DNAH12: variants seen among roughly 807,000 people sequenced by gnomAD.
DNAH12 encodes the protein axonemal beta dynein heavy chain 12.
A neutral mutation model predicts 371.5 loss-of-function variants in DNAH12; 285 were observed. That is an observed-to-expected ratio of 0.77 (90% CI 0.70 to 0.85). The LOEUF is 0.85. DNAH12 is among the 40% of genes least tolerant of loss of function. The pLI, the probability that DNAH12 is intolerant of heterozygous loss-of-function variation, is 0.00. For synonymous variants in DNAH12, 1,200 were observed against 1,213.0 expected, an observed-to-expected ratio of 0.99 and a Z score of 0.22; for missense variants, 3,611 against 3,689.4, an observed-to-expected ratio of 0.98 and a Z score of 0.55.
chr3:57,395,942 G>A (rs1172208967), intron 43 of DNAH12, among the ~76,000 whole-genome samples: 2 of 151,374 alleles, frequency 1.3e-5, no homozygotes, highest in African/African-American at 4.9e-5. Flanking sequence ...GGGTGACAGA[G>A]TGAGACATCT....
intron 2 of DNAH12, chr3:57,530,655 C>A: frequency 2.1e-6 from 1 of 480,872 alleles, no homozygotes; most frequent in Non-Finnish European, 3.8e-6. Flanking sequence ...GTAGAGTGTG[C>A]TGTCACTGAG....
chr3:57,385,446 T>C lies in DNAH12; in HGVS notation c.7603-17A>G, dbSNP rs1388814010. On this transcript the variant is annotated splice_polypyrimidine_tract_variant and intron_variant, in intron 47 of 73. Transcript: ENST00000495027. ...TTCACCAACCTAAAGAGACAGTTTATAATATGATTAAGTTTCCATTGCTAT... is the reference window on the plus strand; with the variant it reads ...TTCACCAACCTAAAGAGACAGTTTACAATATGATTAAGTTTCCATTGCTAT... 1.3e-5 allele frequency: 2 copies of C among 152,240 alleles called. No individual in the cohort carries two copies. Among genetic ancestry groups the C allele is most frequent in the African/African-American group, 2.4e-5 (1 of 41,476 alleles). 9.4% of individuals were successfully genotyped at this position (152,240 alleles called of 1,614,324 possible).
intron 30 of DNAH12, 43 bp from the exon 31 acceptor site, chr3:57,433,871 G>C: frequency 7.1e-7 from 1 of 1,417,618 alleles, no homozygotes; most frequent in Non-Finnish European, 9.2e-7. Flanking sequence ...AGTCTTTAAA[G>C]AGTTAAATAA....
intron 60 of DNAH12, among the ~76,000 whole-genome samples, chr3:57,338,745 ATT>A (rs1336257561): frequency 1.6e-5 from 2 of 126,428 alleles, no homozygotes; most frequent in Non-Finnish European, 3.4e-5. Context: ...CCGGCCACCC[ATT>A]GTCTGGGATG....
intron 18 of DNAH12, 148 bp downstream of exon 18, chr3:57,462,542 G>T: frequency 1.1e-6 from 1 of 890,942 alleles, no homozygotes; most frequent in Non-Finnish European, 1.6e-6. Context: ...GTGAGCTACC[G>T]CACCCAGCCG....
intron 29 of DNAH12, among the ~76,000 whole-genome samples, chr3:57,437,982 T>C (rs568880725): frequency 6.6e-5 from 10 of 152,256 alleles, no homozygotes; most frequent in Middle Eastern, 3.4e-3. Flanking sequence ...CTACCTGAAA[T>C]AGGGAAAAAT....
intron 25 of DNAH12, among the ~76,000 whole-genome samples, chr3:57,450,249 T>TAAAAAAAAA (rs1559675073): frequency 3.1e-4 from 5 of 15,982 alleles, no homozygotes; most frequent in African/African-American, 2.5e-4. Flanking sequence ...CTGTCTCAAT[T>TAAAAAAAAA]TAAAAAAAAA....
intron 60 of DNAH12, among the ~76,000 whole-genome samples, chr3:57,347,064 A>C (rs1559575639): frequency 6.6e-6 from 1 of 152,192 alleles, no homozygotes; most frequent in Non-Finnish European, 1.5e-5. Flanking sequence ...TATAGGAAGA[A>C]ATTAAACCAA....
intron 44 of DNAH12, among the ~76,000 whole-genome samples, chr3:57,392,667 TA>T (rs2063650038): frequency 2.6e-5 from 4 of 151,574 alleles, no homozygotes; most frequent in Admixed American, 2.6e-4. Context: ...CAGGATAAAA[TA>T]ACTAAAAAAA....
intron 40 of DNAH12, among the ~76,000 whole-genome samples, chr3:57,407,301 G>A (rs754493977): frequency 2.7e-4 from 38 of 143,250 alleles, no homozygotes; most frequent in Admixed American, 2.5e-3. Flanking sequence ...AAAAAAAGCC[G>A]GGGGTAGGGA....
At chr3:57,351,870 AT>A (rs1354407728) in intron 60 of DNAH12, among the ~76,000 whole-genome samples, 2 of 152,170 alleles carry the variant, frequency 1.3e-5, no homozygotes, top group Admixed American at 1.3e-4. Context: ...TGAACTGTAC[AT>A]TAATACTCTG....
At chr3:57,439,122 C>G (rs933568361) in intron 29 of DNAH12, among the ~76,000 whole-genome samples, 1 of 152,022 alleles carries the variant, frequency 6.6e-6, no homozygotes, top group African/African-American at 2.4e-5. Context: ...TTAAAATGGC[C>G]ATGCTGCTCA....
chr3:57,384,210 C>T (rs2063455202), intron 49 of DNAH12, among the ~76,000 whole-genome samples: 1 of 152,152 alleles, frequency 6.6e-6, no homozygotes, highest in Non-Finnish European at 1.5e-5. Context: ...TCTGTGTATG[C>T]AGGTCCAGGA....
chr3:57,378,006 C>T (rs1380851330), intron 52 of DNAH12, among the ~76,000 whole-genome samples: 5 of 152,116 alleles, frequency 3.3e-5, no homozygotes, highest in Admixed American at 3.3e-4. Flanking sequence ...AGCAGTGTAT[C>T]AGACACAAAA....
intron 39 of DNAH12, among the ~76,000 whole-genome samples, chr3:57,409,585 T>C (rs1332004624): frequency 6.6e-6 from 1 of 152,124 alleles, no homozygotes; most frequent in Non-Finnish European, 1.5e-5. Flanking sequence ...GATTATCTCC[T>C]GATAATCACT....
intron 13 of DNAH12, among the ~76,000 whole-genome samples, chr3:57,480,211 A>G (rs1254457907): frequency 6.6e-6 from 1 of 152,166 alleles, no homozygotes; most frequent in Non-Finnish European, 1.5e-5. Context: ...AGAATCAAAT[A>G]GATGCAATAA....
intron 34 of DNAH12, chr3:57,428,364 C>T: frequency 7.6e-7 from 1 of 1,308,162 alleles, no homozygotes. Flanking sequence ...TTTTTAGAGG[C>T]ACATATTTAA....
At chr3:57,464,172 G>A (rs566414683) in intron 17 of DNAH12, among the ~76,000 whole-genome samples, 8 of 152,150 alleles carry the variant, frequency 5.3e-5, no homozygotes, top group South Asian at 2.1e-4. Flanking sequence ...AGGAAGCAAC[G>A]CCAGTGCCTG....
intron 45 of DNAH12, among the ~76,000 whole-genome samples, chr3:57,391,508 A>G (rs908977101): frequency 1.3e-5 from 2 of 152,160 alleles, no homozygotes; most frequent in African/African-American, 4.8e-5. Context: ...AATTCCTCAT[A>G]ATAAATTTCT....
Sources: allele counts gnomAD v4.1 joint callset (sites outside exome capture counted in the v4.1 genomes callset), GRCh38; gene constraint gnomAD v4.1.1; transcripts MANE v1.5; gene names NCBI Gene and HGNC (gene_info 2026-07-23, HGNC 2026-07-21).